The following GCLC variants were observed in gnomAD, a reference collection of about 807,000 sequenced individuals.
GCLC encodes glutamate-cysteine ligase catalytic subunit, also known as glutamate--cysteine ligase catalytic subunit.
GCLC carries 30 observed loss-of-function variants against 81.5 expected under a neutral mutation model. The observed-to-expected ratio is 0.37, with a 90% CI of 0.28 to 0.50. GCLC has a LOEUF of 0.50. GCLC is among the 20% of genes least tolerant of loss of function. GCLC has a pLI of 0.96. For missense variants in GCLC, 556 were observed against 777.4 expected, an observed-to-expected ratio of 0.72 and a Z score of 3.39; for synonymous variants, 262 against 273.3, an observed-to-expected ratio of 0.96 and a Z score of 0.41.
In GCLC at chr6:53,507,572, G is replaced by T; in HGVS notation, c.992C>A (p.Ser331Ter). Residue 331 changes from serine to a stop codon, truncating the protein, a stop_gained, in exon 9 of 16, where the codon TCA becomes TAA. Coordinates refer to ENST00000650454, the MANE Select transcript of GCLC (RefSeq NM_001498.4). LOFTEE classifies it high-confidence loss of function. ...NYRISKSRYD[S>*]IDSYLSKCGE... ...ACACTTAGATAAATAGCTGTCTATT[G>T]AGTCATATCGGGATTTACTGATCCT... 6.3e-7 allele frequency: 1 copy of T among 1,578,446 alleles called. No individual in the cohort carries two copies. Among genetic ancestry groups the T allele is most frequent in the Non-Finnish European group, 8.7e-7 (1 of 1,147,934 alleles).
intron 3 of GCLC, among the ~76,000 whole-genome samples, chr6:53,516,465 C>T (rs1177077102): frequency 1.3e-5 from 2 of 152,180 alleles, no homozygotes; most frequent in East Asian, 3.8e-4. Context: ...CAAGTCTCCA[C>T]TCACTCACAA....
chr6:53,526,812 A>G (rs1216542315), intron 1 of GCLC, among the ~76,000 whole-genome samples: 1 of 152,088 alleles, frequency 6.6e-6, no homozygotes, highest in Admixed American at 6.6e-5. Flanking sequence ...AAAAAAAAAA[A>G]AAAAACAATT....
intron 6 of GCLC, chr6:53,509,571 G>A (rs1764694204): frequency 2.3e-6 from 1 of 428,858 alleles, no homozygotes; most frequent in South Asian, 2.4e-5. Flanking sequence ...TCTTCTACTG[G>A]CTTGTTGCCT....
intron 12 of GCLC, chr6:53,503,422 T>C (rs1175721706): frequency 1.3e-5 from 2 of 152,224 alleles, no homozygotes; most frequent in Admixed American, 6.6e-5. Flanking sequence ...ATAAGACTTC[T>C]GGCATACTTT....
At position 53,497,855 on chromosome 6, in the gene GCLC, A is replaced by C. The variant is rs552407868; in HGVS notation, c.*901T>G. 1.3e-5 allele frequency: 2 copies of C among 152,714 alleles called. No homozygotes were observed. Among genetic ancestry groups the C allele is most frequent in the South Asian group, 4.1e-4 (2 of 4,828 alleles). The allele number at this position is 152,714 out of a possible 1,614,324, so 9.5% of individuals were successfully genotyped here. A position where few individuals can be genotyped will look rare whatever the true frequency, so the allele number is the denominator to read the frequency against. ...TAGAGGAAAGTCTATCAGTATGCTT[A>C]ACTAAAAACTAAAGAGTGACAAAAC... is the stretch of plus-strand genomic sequence containing the variant. On this transcript the variant is annotated 3_prime_UTR_variant, in exon 16 of 16. Coordinates refer to ENST00000650454, the MANE Select transcript of GCLC (RefSeq NM_001498.4).
chr6:53,514,319 G>A lies in GCLC; in HGVS notation c.638C>T (p.Thr213Ile), dbSNP rs1764818626. The A allele has an allele frequency of 1.3e-6, 2 of 1,594,552 alleles. No individual in the cohort carries two copies. The highest frequency in any genetic ancestry group is 1.7e-6 in the Non-Finnish European group (2 of 1,162,222). The change falls in exon 6 of 16, where the codon ACA (threonine) becomes ATA (isoleucine). Residue 213 changes from threonine (T) to isoleucine (I), a missense_variant. This residue lies in a region of GCLC where 234 missense variants were observed against 303.8 expected (regional missense o/e 0.77). Transcript: ENST00000650454. ...INVPIFKDKN[T>I]PSPFIETFTE... ...AAATGTTTCTATAAATGGAGATGGTGTATTCTTGTCCTTAAATACTGTATT... is the reference window on the plus strand; with the variant it reads ...AAATGTTTCTATAAATGGAGATGGTATATTCTTGTCCTTAAATACTGTATT...
At chr6:53,505,992 G>A (rs1188084319) in intron 10 of GCLC, 97 bp from the exon 11 acceptor site, 1 of 770,726 alleles carries the variant, frequency 1.3e-6, no homozygotes, top group Non-Finnish European at 2.4e-6. Flanking sequence ...ACTGCTCACT[G>A]TCCATACCAA....
At chr6:53,511,507 T>C (rs1400339241) in intron 6 of GCLC, among the ~76,000 whole-genome samples, 2 of 152,162 alleles carry the variant, frequency 1.3e-5, no homozygotes, top group Admixed American at 1.3e-4. Flanking sequence ...GATGGCCTAG[T>C]ATACAATACA....
intron 6 of GCLC, 22 bp from the exon 7 acceptor site, chr6:53,509,272 A>T: frequency 7.0e-7 from 1 of 1,418,868 alleles, no homozygotes; most frequent in Non-Finnish European, 1.0e-6. Context: ...TTGCAAAGTT[A>T]TTAACACCAA....
chr6:53,519,137 C>T (rs1762937880), intron 3 of GCLC, among the ~76,000 whole-genome samples: 1 of 152,328 alleles, frequency 6.6e-6, no homozygotes, highest in Non-Finnish European at 1.5e-5. Flanking sequence ...TCTGCCCAAC[C>T]CAACCTTTCC....
intron 12 of GCLC, chr6:53,505,186 T>A: frequency 1.9e-6 from 1 of 539,550 alleles, no homozygotes; most frequent in East Asian, 3.3e-5. Flanking sequence ...TAGGACTACT[T>A]CTAGCCATCA....
At chr6:53,521,489 A>G (rs1762994268) in intron 2 of GCLC, among the ~76,000 whole-genome samples, 1 of 152,160 alleles carries the variant, frequency 6.6e-6, no homozygotes, top group South Asian at 2.1e-4. Context: ...ATGCACACAG[A>G]GCACTCACTG....
intron 6 of GCLC, among the ~76,000 whole-genome samples, chr6:53,510,609 T>C (rs551548389): frequency 6.6e-6 from 1 of 152,336 alleles, no homozygotes; most frequent in South Asian, 2.1e-4. Context: ...TGTTATTCAT[T>C]AATGACAGCT....
At chr6:53,539,839 T>G (rs1050440198) in intron 1 of GCLC, among the ~76,000 whole-genome samples, 62 of 152,234 alleles carry the variant, frequency 4.1e-4, no homozygotes, top group Admixed American at 4.1e-3. Context: ...TCAAGGCTTC[T>G]GCACACAAAC....
intron 1 of GCLC, among the ~76,000 whole-genome samples, chr6:53,529,755 C>G (rs1763142092): frequency 6.6e-6 from 1 of 152,240 alleles, no homozygotes. Context: ...TCCTGATCCC[C>G]AGACAGAAGC....
Position 53,544,422 on chromosome 6 carries a change from CG to C in GCLC, c.150+73del, listed in dbSNP as rs1311125095. 7 of 1,494,980 alleles carry C rather than the reference CG, an allele frequency of 4.7e-6. No individual in the cohort carries two copies. The East Asian group carries it at 1.6e-4, about 34-fold the overall frequency. The allele number at this position is 1,494,980 out of a possible 1,614,324, so 92.6% of individuals were successfully genotyped here. On this transcript the variant is annotated intron_variant, in intron 1 of 15. Coordinates refer to ENST00000650454, the MANE Select transcript of GCLC (RefSeq NM_001498.4). ...ACGCGGACCGCGATAGGGCCGGGGGCGTAGGGCAAGACAAAGGCAGCGCGGG... is the reference window on the plus strand; with the variant it reads ...ACGCGGACCGCGATAGGGCCGGGGGCTAGGGCAAGACAAAGGCAGCGCGGG...
chr6:53,499,993 A>C, intron 15 of GCLC, 52 bp downstream of exon 15: 1 of 1,318,916 alleles, frequency 7.6e-7, no homozygotes, highest in Non-Finnish European at 1.1e-6. Context: ...GAACATTCTA[A>C]GATTATACCA....
rs1203739225 is a variant in GCLC, at chr6:53,509,430, G to C, written c.754-180C>G. On this transcript the variant is annotated intron_variant, in intron 6 of 15. Transcript: ENST00000650454. Reference sequence around the variant, plus strand: ...TCTTAGGTGAATTTAACTAGAAAATGGTATTTAATTATGTTCCACTGCCTA... The same window carrying C: ...TCTTAGGTGAATTTAACTAGAAAATCGTATTTAATTATGTTCCACTGCCTA... 7.7e-6 allele frequency: 5 copies of C among 645,178 alleles called. No homozygotes were observed. The East Asian group carries it at 8.2e-5, about 11-fold the overall frequency. 40.0% of individuals were successfully genotyped at this position (645,178 alleles called of 1,614,324 possible). A position where few individuals can be genotyped will look rare whatever the true frequency, so the allele number is the denominator to read the frequency against.
chr6:53,500,628 T>C, intron 12 of GCLC, 115 bp from the exon 13 acceptor site: 2 of 785,038 alleles, frequency 2.5e-6, no homozygotes, highest in South Asian at 2.8e-5. Context: ...TTCTACTTTC[T>C]GCTCAAATGC....
Sources: gnomAD v4.1 joint callset for allele counts (sites outside exome capture counted in the v4.1 genomes callset) on GRCh38, gnomAD v4.1.1 for gene constraint, gnomAD v4.1.1 regional missense constraint, MANE v1.5 for transcripts, NCBI Gene and HGNC (gene_info 2026-07-23, HGNC 2026-07-21) for gene names.